Variants in GTF2IRD1 observed in about 807,000 individuals in gnomAD.
GTF2IRD1 encodes general transcription factor II-I repeat domain-containing protein 1.
Under a neutral mutation model 113.2 loss-of-function variants are expected in GTF2IRD1, and 26 were observed. The observed-to-expected ratio is 0.23, with a 90% CI of 0.17 to 0.32. GTF2IRD1 has a LOEUF of 0.32. GTF2IRD1 is among the 10% of genes least tolerant of loss of function. GTF2IRD1 has a pLI of 1.00. For missense variants in GTF2IRD1, 864 were observed against 1,280.8 expected (o/e 0.67, Z 4.97); for synonymous variants, 484 against 529.1 (o/e 0.91, Z 1.17).
chr7:74,470,258 A>G (rs541565066), intron 1 of GTF2IRD1, among the ~76,000 whole-genome samples: 6 of 152,306 alleles, frequency 3.9e-5, no homozygotes, highest in African/African-American at 1.2e-4. Context: ...GTGCTGAGAT[A>G]GATAAGCATA....
chr7:74,533,563 G>T (rs1160922603), intron 9 of GTF2IRD1, among the ~76,000 whole-genome samples: 1 of 152,202 alleles, frequency 6.6e-6, no homozygotes, highest in Non-Finnish European at 1.5e-5. Context: ...GTTGCCCACA[G>T]GGTAGAGGCC....
chr7:74,526,292 T>G (rs587760564), intron 8 of GTF2IRD1, among the ~76,000 whole-genome samples: 2 of 152,254 alleles, frequency 1.3e-5, no homozygotes, highest in East Asian at 3.9e-4. Context: ...TTGTTCCCCA[T>G]AAAGCCGGAG....
chr7:74,551,806 T>G (rs1554355101), intron 17 of GTF2IRD1, among the ~76,000 whole-genome samples: 3 of 151,752 alleles, frequency 2.0e-5, no homozygotes, highest in African/African-American at 7.3e-5. Context: ...TGTGGTGGCG[T>G]GTGCCTGTAA....
intron 2 of GTF2IRD1, among the ~76,000 whole-genome samples, 163 bp downstream of exon 2, chr7:74,508,366 T>C (rs1796419096): frequency 1.3e-5 from 2 of 152,176 alleles, no homozygotes; most frequent in African/African-American, 4.8e-5. Context: ...GGGTGTGAGA[T>C]GTGAGACTTC....
chr7:74,587,043 G>C (rs1292352092), intron 22 of GTF2IRD1, among the ~76,000 whole-genome samples: 6 of 152,190 alleles, frequency 3.9e-5, no homozygotes, highest in Admixed American at 1.3e-4. Context: ...AGCTACTTGA[G>C]AGGCTGAGTG....
intron 6 of GTF2IRD1, among the ~76,000 whole-genome samples, chr7:74,520,883 ATT>A (rs1797252435): frequency 1.4e-5 from 2 of 139,828 alleles, no homozygotes; most frequent in Non-Finnish European, 1.5e-5. Flanking sequence ...TATTATTATT[ATT>A]ATAAGGGGGA....
chr7:74,460,320 A>C (rs1231217360), intron 1 of GTF2IRD1, among the ~76,000 whole-genome samples: 1 of 152,048 alleles, frequency 6.6e-6, no homozygotes, highest in Non-Finnish European at 1.5e-5. Context: ...CCCAGGCTGG[A>C]GTGCAGTGGC....
At chr7:74,538,098 C>G in intron 11 of GTF2IRD1, 38 bp from the exon 12 acceptor site, 1 of 1,608,068 alleles carries the variant, frequency 6.2e-7, no homozygotes, top group South Asian at 1.1e-5. Flanking sequence ...TGGCCCTGGA[C>G]TTGGCTGACA....
In GTF2IRD1 at chr7:74,547,122, G is replaced by T. The variant is rs781899937; in HGVS notation, c.1752G>T (p.Ser584=). Residue 584 remains serine (S), a synonymous_variant, in exon 17 of 27, where the codon TCG becomes TCT. Transcript: ENST00000424337. ...CTGCAGCCAAGGCCATTGGCATCTC[G>T]GAGCCCGTCAAGGTGCCGTACTCCA... ...NTRYAKAIGI[S]EPVKVPYSKF... is the part of the protein sequence containing the mutation. 1.2e-6 allele frequency: 2 copies of T among 1,612,758 alleles called. No homozygotes were observed. Among genetic ancestry groups the T allele is most frequent in the Middle Eastern group, 1.8e-4 (1 of 5,550 alleles).
In GTF2IRD1 at chr7:74,590,992, C is replaced by A; in HGVS notation, c.2566C>A (p.Arg856Ser). Residue 856 changes from arginine to serine, a missense_variant, in exon 24 of 27, where the codon CGC becomes AGC. Arg to Ser is a moderately radical substitution (Grantham distance 110, BLOSUM62 -1). Around this residue, in one of 7 missense-constraint regions of GTF2IRD1, gnomAD observed 195 missense variants for 359.1 expected, o/e 0.54. Coordinates refer to ENST00000424337, the MANE Select transcript of GTF2IRD1 (RefSeq NM_005685.4). Reference sequence around the variant, plus strand: ...GATCCTGAAGGCCCGAGAGCATGTCCGCATGGTCATCATTAACCAGCTCCA... The same window carrying A: ...GATCCTGAAGGCCCGAGAGCATGTCAGCATGGTCATCATTAACCAGCTCCA... ...EKILKAREHV[R>S]MVIINQLQPF... 1 of 1,612,406 alleles carries A rather than the reference C, an allele frequency of 6.2e-7. No individual in the cohort carries two copies. The highest frequency in any genetic ancestry group is 1.1e-5 in the South Asian group (1 of 91,008).
At chr7:74,573,454 G>T (rs73702623) in intron 22 of GTF2IRD1, among the ~76,000 whole-genome samples, 2,869 of 151,442 alleles carry the variant, frequency 0.019, 99 homozygotes, top group African/African-American at 0.065. Context: ...TTCCGGACCC[G>T]AAAGGGAGCA....
chr7:74,488,222 G>A (rs1795132340), intron 1 of GTF2IRD1, among the ~76,000 whole-genome samples: 3 of 151,958 alleles, frequency 2.0e-5, no homozygotes, highest in Admixed American at 2.0e-4. Context: ...GTTGGAGGCT[G>A]CAGTGAGCTA....
chr7:74,509,789 C>T (rs1796519967), intron 2 of GTF2IRD1, among the ~76,000 whole-genome samples: 1 of 151,956 alleles, frequency 6.6e-6, no homozygotes, highest in African/African-American at 2.4e-5. Context: ...TCTCCTGCCT[C>T]AGCCTCCCCA....
intron 24 of GTF2IRD1, among the ~76,000 whole-genome samples, chr7:74,592,446 TGG>T (rs1554370056): frequency 1.3e-5 from 2 of 151,522 alleles, no homozygotes; most frequent in African/African-American, 4.8e-5. Context: ...CTCGAACTCC[TGG>T]GCTCAAGCCA....
At chr7:74,527,306 T>C (rs782764424) in intron 8 of GTF2IRD1, among the ~76,000 whole-genome samples, 20 of 152,012 alleles carry the variant, frequency 1.3e-4, no homozygotes, top group Non-Finnish European at 2.9e-4. Context: ...CTGGGCAACA[T>C]AGCAAGACCC....
At chr7:74,492,419 C>A (rs1689528022) in intron 1 of GTF2IRD1, among the ~76,000 whole-genome samples, 2 of 152,118 alleles carry the variant, frequency 1.3e-5, no homozygotes, top group South Asian at 4.1e-4. Flanking sequence ...ATCTGCCCAC[C>A]TTGGCCTCCA....
intron 1 of GTF2IRD1, among the ~76,000 whole-genome samples, chr7:74,492,742 G>A (rs999742724): frequency 4.6e-5 from 7 of 151,786 alleles, no homozygotes; most frequent in Middle Eastern, 3.4e-3. Flanking sequence ...TCAAGGTGCC[G>A]ACAGTGCCAT....
Position 74,601,154 on chromosome 7 carries a change from G to A in GTF2IRD1, c.2740G>A (p.Ala914Thr), listed in dbSNP as rs587722621. 1 of 1,604,952 alleles carries A rather than the reference G, an allele frequency of 6.2e-7. No homozygotes were observed. The highest frequency in any genetic ancestry group is 2.2e-5 in the East Asian group (1 of 44,698). ...SSSSSNPDSV[A>T]SANQISLVQW... ...CTCGTCCTCTAACCCGGATTCAGTG[G>A]CATCGGCCAACCAGATCTCACTCGT... Residue 914 changes from alanine (A) to threonine (T), a missense_variant, in exon 26 of 27, where the codon GCA becomes ACA. Physicochemically the swap from Ala to Thr is moderately conservative, Grantham distance 58. Around this residue, in one of 7 missense-constraint regions of GTF2IRD1, gnomAD observed 55 missense variants for 52.2 expected, o/e 1.05. Coordinates refer to ENST00000424337, the MANE Select transcript of GTF2IRD1 (RefSeq NM_005685.4).
At position 74,578,208 on chromosome 7, in the gene GTF2IRD1, G is replaced by A. The variant is rs587679674; in HGVS notation, c.2321-11643G>A. ...TTTACTTTCTTTTTTTTGAGACGGA[G>A]TCTCGCACTGTCGCCCAGGCTGGAG... is the stretch of plus-strand genomic sequence containing the variant. On this transcript the variant is annotated intron_variant, in intron 22 of 26. Coordinates refer to ENST00000424337, the MANE Select transcript of GTF2IRD1 (RefSeq NM_005685.4). Among the ~76,000 whole-genome samples the A allele has an allele frequency of 2.4e-3, 358 of 152,178 alleles. 3 individuals carry two copies. The highest frequency in any genetic ancestry group is 0.014 in the Middle Eastern group (4 of 294).
Sources: gnomAD v4.1 joint callset for allele counts (sites outside exome capture counted in the v4.1 genomes callset) on GRCh38, gnomAD v4.1.1 for gene constraint, gnomAD v4.1.1 regional missense constraint, MANE v1.5 for transcripts, NCBI Gene and HGNC (gene_info 2026-07-23, HGNC 2026-07-21) for gene names.